The following KDM2A variants were observed in gnomAD, a reference collection of about 807,000 sequenced individuals.
KDM2A encodes the protein lysine demethylase 2A.
KDM2A carries 3 observed loss-of-function variants against 137.3 expected under a neutral mutation model. The ratio of observed to expected loss-of-function variants is 0.02; its 90% CI spans 0.01 to 0.06. KDM2A has a LOEUF of 0.06. KDM2A is among the 10% of genes least tolerant of loss of function. The pLI is 1.00. For synonymous variants in KDM2A, 512 were observed against 541.5 expected (o/e 0.95, Z 0.76); for missense variants, 738 against 1,510.6 (o/e 0.49, Z 8.48).
intron 2 of KDM2A, among the ~76,000 whole-genome samples, chr11:67,125,428 G>A (rs1040911245): frequency 7.9e-5 from 12 of 151,656 alleles, no homozygotes; most frequent in South Asian, 6.2e-4. Context: ...CGATCTGCCC[G>A]CCTTGGCCTC....
chr11:67,241,634 C>G (rs1290653812), intron 12 of KDM2A, among the ~76,000 whole-genome samples: 1 of 152,170 alleles, frequency 6.6e-6, no homozygotes, highest in African/African-American at 2.4e-5. Context: ...TACATACATA[C>G]CTAGGGTAGC....
intron 2 of KDM2A, among the ~76,000 whole-genome samples, chr11:67,168,330 T>A (rs1252971599): frequency 1.3e-5 from 2 of 152,092 alleles, no homozygotes; most frequent in Non-Finnish European, 2.9e-5. Context: ...CCAAACCCTC[T>A]GTGTTAGTTG....
chr11:67,250,297 G>T lies in KDM2A; in HGVS notation c.2267G>T (p.Arg756Leu). The T allele has an allele frequency of 6.2e-7, 1 of 1,613,934 alleles. No homozygotes were observed. Among genetic ancestry groups the T allele is most frequent in the South Asian group, 1.1e-5 (1 of 91,090 alleles). Reference sequence around the variant, plus strand: ...CACCACAGTGCCAGCCGCGATGAGCGCTTCAAACGGCGGCAGTTGCTGCGG... The same window carrying T: ...CACCACAGTGCCAGCCGCGATGAGCTCTTCAAACGGCGGCAGTTGCTGCGG... Reference protein sequence around the residue: ...SDHHSASRDERFKRRQLLRLQ... With the variant: ...SDHHSASRDELFKRRQLLRLQ... The change falls in exon 17 of 21, where the codon CGC (arginine) becomes CTC (leucine). Residue 756 changes from arginine (R) to leucine (L), a missense_variant. Arg to Leu is a moderately radical substitution (Grantham distance 102). Transcript: ENST00000529006. This position sits in a 1 kb window ranked among gnomAD's most constrained non-coding sequence, Gnocchi z 7.1.
intron 12 of KDM2A, chr11:67,240,018 TC>T: frequency 7.7e-7 from 1 of 1,293,636 alleles, no homozygotes; most frequent in Non-Finnish European, 9.8e-7. Context: ...TCGCTCACTC[TC>T]GCTCGGCTCC....
At chr11:67,198,854 C>G (rs1857550477) in intron 5 of KDM2A, among the ~76,000 whole-genome samples, 1 of 152,028 alleles carries the variant, frequency 6.6e-6, no homozygotes, top group African/African-American at 2.4e-5. Flanking sequence ...TCTTGGCTTA[C>G]TGCAACCTCC....
At chr11:67,190,682 A>T (rs1857330589) in intron 5 of KDM2A, among the ~76,000 whole-genome samples, 1 of 152,088 alleles carries the variant, frequency 6.6e-6, no homozygotes, top group Non-Finnish European at 1.5e-5. Context: ...AATCGCTTGA[A>T]CTGAGGAGGC....
At chr11:67,187,162 A>G (rs1857225991) in intron 5 of KDM2A, among the ~76,000 whole-genome samples, 1 of 152,236 alleles carries the variant, frequency 6.6e-6, no homozygotes, top group Admixed American at 6.5e-5. Context: ...TATATACAGA[A>G]GGAAATGAGA....
chr11:67,247,065 A>AT lies in KDM2A; in HGVS notation c.1965+950dup, dbSNP rs1443490093. On this transcript the variant is annotated intron_variant, in intron 15 of 20. Coordinates refer to ENST00000529006, the MANE Select transcript of KDM2A (RefSeq NM_012308.3). Reference sequence around the variant, plus strand: ...TATATATATATATATATATATATATATATATATTTTTTTTTTTTTTTTTTT... The same window carrying AT: ...TATATATATATATATATATATATATATTATATATTTTTTTTTTTTTTTTTTT... Among the ~76,000 whole-genome samples, 186 of 27,532 alleles carry AT rather than the reference A, an allele frequency of 6.8e-3. 2 individuals carry two copies. The highest frequency in any genetic ancestry group is 0.017 in the Admixed American group (25 of 1,494). 18.1% of individuals were successfully genotyped at this position (27,532 alleles called of 152,430 possible).
intron 2 of KDM2A, among the ~76,000 whole-genome samples, chr11:67,141,660 C>T (rs1455825745): frequency 2.3e-5 from 2 of 86,554 alleles, no homozygotes; most frequent in African/African-American, 1.2e-4. Flanking sequence ...GAATGAGACT[C>T]GTTCCAAAAA....
chr11:67,255,339 A>G lies in KDM2A; in HGVS notation c.*284A>G. 2.1e-6 allele frequency: 1 copy of G among 477,112 alleles called. No homozygotes were observed. Among genetic ancestry groups the G allele is most frequent in the South Asian group, 1.9e-5 (1 of 52,004 alleles). 29.6% of individuals were successfully genotyped at this position (477,112 alleles called of 1,614,324 possible). A position where few individuals can be genotyped will look rare whatever the true frequency, so the allele number is the denominator to read the frequency against. On this transcript the variant is annotated 3_prime_UTR_variant, in exon 21 of 21. Coordinates refer to ENST00000529006, the MANE Select transcript of KDM2A (RefSeq NM_012308.3). The stretch of plus-strand genomic sequence containing the variant: ...CCTGCTCGCTTACTCGCCTGCCAGG[A>G]GGCCGGGCTCTCAGTTTGGGGTGTT...
chr11:67,193,119 A>C (rs1010968672), intron 5 of KDM2A, among the ~76,000 whole-genome samples: 1 of 152,072 alleles, frequency 6.6e-6, no homozygotes, highest in Non-Finnish European at 1.5e-5. Context: ...CCTCCTGAGT[A>C]GCTGGAATTA....
chr11:67,247,422 C>CTTTTT (rs56012601), intron 15 of KDM2A, among the ~76,000 whole-genome samples: 14 of 84,498 alleles, frequency 1.7e-4, no homozygotes, highest in East Asian at 3.8e-4. Flanking sequence ...GCATTACAAT[C>CTTTTT]TTTTTTTTTT....
intron 5 of KDM2A, among the ~76,000 whole-genome samples, chr11:67,190,485 C>T (rs891377851): frequency 2.6e-5 from 4 of 152,230 alleles, no homozygotes; most frequent in African/African-American, 4.8e-5. Context: ...GAATACTATG[C>T]GTGGTGGCTC....
At chr11:67,145,543 C>T (rs1050534707) in intron 2 of KDM2A, among the ~76,000 whole-genome samples, 5 of 150,782 alleles carry the variant, frequency 3.3e-5, no homozygotes, top group African/African-American at 1.2e-4. Context: ...AATATGGTAG[C>T]ACCCCATTTT....
At chr11:67,180,972 T>C (rs1044966046) in intron 3 of KDM2A, among the ~76,000 whole-genome samples, 1 of 151,600 alleles carries the variant, frequency 6.6e-6, no homozygotes, top group Non-Finnish European at 1.5e-5. Context: ...CTTTTTTTTT[T>C]TTTTTTAACT....
rs896611636 is a variant in KDM2A, at chr11:67,215,008, G to A, written c.487-332G>A. Among the ~76,000 whole-genome samples the A allele has an allele frequency of 3.3e-5, 5 of 151,846 alleles. No homozygotes were observed. The South Asian group carries it at 1.0e-3, about 31-fold the overall frequency. On this transcript the variant is annotated intron_variant, in intron 6 of 20. Coordinates refer to ENST00000529006, the MANE Select transcript of KDM2A (RefSeq NM_012308.3). ...ACCTTCCAGACAACACCTTTTATTG[G>A]ATTAAAAAATAAAACAAATTATATA...
At chr11:67,233,008 C>T (rs1462657996) in intron 12 of KDM2A, among the ~76,000 whole-genome samples, 1 of 152,134 alleles carries the variant, frequency 6.6e-6, no homozygotes, top group East Asian at 1.9e-4. Context: ...CCACACCCAA[C>T]CTTGAGCTAT....
At chr11:67,240,576 C>T (rs1859001832) in intron 12 of KDM2A, among the ~76,000 whole-genome samples, 1 of 152,160 alleles carries the variant, frequency 6.6e-6, no homozygotes, top group Non-Finnish European at 1.5e-5. Flanking sequence ...TTTTGAGAAT[C>T]CTTTCCCTCT....
At position 67,254,770 on chromosome 11, in the gene KDM2A, G is replaced by A; in HGVS notation, c.3308-104G>A. 9.3e-7 allele frequency: 1 copy of A among 1,074,454 alleles called. No homozygotes were observed. Among genetic ancestry groups the A allele is most frequent in the South Asian group, 1.5e-5 (1 of 65,720 alleles). The allele number at this position is 1,074,454 out of a possible 1,614,324, so 66.6% of individuals were successfully genotyped here. A position where few individuals can be genotyped will look rare whatever the true frequency, so the allele number is the denominator to read the frequency against. ...GAGCCAGGTAGTTGTGGGACAAAGA[G>A]GGCTTTTGTTTAGCATTTTGAAGGA... On this transcript the variant is annotated intron_variant, in intron 20 of 20. Coordinates refer to ENST00000529006, the MANE Select transcript of KDM2A (RefSeq NM_012308.3). This position sits in a 1 kb window ranked among gnomAD's most constrained non-coding sequence, Gnocchi z 4.7.
Sources: gnomAD v4.1 joint callset for allele counts (sites outside exome capture counted in the v4.1 genomes callset) on GRCh38, gnomAD v4.1.1 for gene constraint, Gnocchi (gnomAD v3.1) non-coding constraint, MANE v1.5 for transcripts, NCBI Gene and HGNC (gene_info 2026-07-23, HGNC 2026-07-21) for gene names.